The following NXPE2 variants were observed in gnomAD, a reference collection of about 807,000 sequenced individuals.
NXPE2 encodes neurexophilin and PC-esterase domain family member 2, also known as NXPE family member 2.
A neutral mutation model predicts 34.4 loss-of-function variants in NXPE2; 34 were observed. The ratio of observed to expected loss-of-function variants is 0.99; its 90% CI spans 0.75 to 1.31. The LOEUF (loss-of-function observed/expected upper bound fraction) is 1.31. Among genes scored for constraint, NXPE2 ranks in the 40% most tolerant of loss-of-function variants. NXPE2 has a pLI of 0.00. For synonymous variants in NXPE2, 235 were observed against 231.3 expected (o/e 1.02, Z -0.15); for missense variants, 649 against 672.5 (o/e 0.97, Z 0.39).
the NXPE2 span, among the ~76,000 whole-genome samples, chr11:114,754,332 C>T: frequency 2.4e-3 from 367 of 152,186 alleles, no homozygotes; most frequent in African/African-American, 8.5e-3. Flanking sequence ...CCTGCCTCTC[C>T]CAGACCCTCT....
At chr11:114,775,137 G>A in the NXPE2 span, among the ~76,000 whole-genome samples, 2 of 152,174 alleles carry the variant, frequency 1.3e-5, no homozygotes, top group East Asian at 1.9e-4. Context: ...TCCCAAATAG[G>A]GGACGCTGGG....
chr11:114,663,161 C>G, the NXPE2 span, among the ~76,000 whole-genome samples: 5 of 152,226 alleles, frequency 3.3e-5, no homozygotes, highest in Non-Finnish European at 5.9e-5. Flanking sequence ...GGTAGTCTGG[C>G]AGTACTCCCT....
chr11:114,575,297 A>G, the NXPE2 span, among the ~76,000 whole-genome samples: 1 of 152,096 alleles, frequency 6.6e-6, no homozygotes, highest in African/African-American at 2.4e-5. Context: ...AAGAATGCCC[A>G]TTCTCACCAC....
the NXPE2 span, among the ~76,000 whole-genome samples, chr11:114,807,573 C>A: frequency 6.6e-6 from 1 of 151,154 alleles, no homozygotes; most frequent in Non-Finnish European, 1.5e-5. Context: ...TTTAAACCAA[C>A]AAAGATCAAA....
the NXPE2 span, among the ~76,000 whole-genome samples, chr11:114,639,145 G>T: frequency 2.6e-5 from 4 of 152,064 alleles, no homozygotes; most frequent in Non-Finnish European, 5.9e-5. Flanking sequence ...CGGCTGCTTT[G>T]TTTACCTAAG....
the NXPE2 span, among the ~76,000 whole-genome samples, chr11:114,571,890 G>T: frequency 6.6e-6 from 1 of 152,232 alleles, no homozygotes; most frequent in Non-Finnish European, 1.5e-5. Context: ...CTGCCTGTAG[G>T]ACAGCAGCTG....
At chr11:114,566,596 A>T in the NXPE2 span, among the ~76,000 whole-genome samples, 1 of 152,166 alleles carries the variant, frequency 6.6e-6, no homozygotes, top group African/African-American at 2.4e-5. Context: ...AGAGAATAGG[A>T]GGTAGCAAGG....
the NXPE2 span, among the ~76,000 whole-genome samples, chr11:114,562,368 C>T: frequency 6.6e-6 from 1 of 152,190 alleles, no homozygotes; most frequent in Admixed American, 6.5e-5. Flanking sequence ...TCTGTCTTCC[C>T]AGCCCTTGCA....
the NXPE2 span, among the ~76,000 whole-genome samples, chr11:114,753,401 A>T: frequency 1.3e-5 from 2 of 152,244 alleles, no homozygotes; most frequent in African/African-American, 2.4e-5. Flanking sequence ...TTAGAAAAAA[A>T]AATGAAGTGA....
chr11:114,630,425 G>A, the NXPE2 span, among the ~76,000 whole-genome samples: 2 of 151,768 alleles, frequency 1.3e-5, no homozygotes, highest in Admixed American at 6.6e-5. Flanking sequence ...AATGGGGAAA[G>A]TATTCCCTAT....
rs1175304786 is a variant in NXPE2 at position 114,704,027 on chromosome 11, C to A, written c.903C>A (p.Thr301=). 6.4e-7 allele frequency: 1 copy of A among 1,551,726 alleles called. No homozygotes were observed. The highest frequency in any genetic ancestry group is 8.7e-7 in the Non-Finnish European group (1 of 1,146,630). ...GAGTTGAAATGATGAAGAACTTTACCCCCATTGAGGTCATACCATGCAACA... is the reference window on the plus strand; with the variant it reads ...GAGTTGAAATGATGAAGAACTTTACACCCATTGAGGTCATACCATGCAACA... ...NIGVEMMKNF[T]PIEVIPCNKS... Residue 301 remains threonine, a synonymous_variant, in exon 4 of 6, where the codon ACC becomes ACA. Coordinates refer to ENST00000389586, the MANE Select transcript of NXPE2 (RefSeq NM_182495.6).
At chr11:114,616,642 G>T in the NXPE2 span, among the ~76,000 whole-genome samples, 6 of 151,416 alleles carry the variant, frequency 4.0e-5, 1 homozygote, top group African/African-American at 1.5e-4. Context: ...GATAATAAAT[G>T]TTGCCTATTG....
chr11:114,609,104 G>A, the NXPE2 span, among the ~76,000 whole-genome samples: 2 of 151,600 alleles, frequency 1.3e-5, no homozygotes, highest in African/African-American at 4.8e-5. Flanking sequence ...GTTGCCTCAT[G>A]GGTAGCTACT....
intron 2 of NXPE2, among the ~76,000 whole-genome samples, chr11:114,683,070 GT>G: frequency 6.6e-6 from 1 of 152,112 alleles, no homozygotes; most frequent in South Asian, 2.1e-4. Context: ...CGTATAAGTG[GT>G]TTTTTAAATA....
the NXPE2 span, among the ~76,000 whole-genome samples, chr11:114,517,196 A>G: frequency 1.1e-4 from 17 of 152,190 alleles, no homozygotes; most frequent in African/African-American, 4.1e-4. Flanking sequence ...TATCATTAGC[A>G]TAATCAAAAA....
chr11:114,704,047 G>C lies in NXPE2; in HGVS notation c.923G>C (p.Cys308Ser). 6.5e-7 allele frequency: 1 copy of C among 1,549,820 alleles called. No homozygotes were observed. The highest frequency in any genetic ancestry group is 8.7e-7 in the Non-Finnish European group (1 of 1,144,822). Residue 308 changes from cysteine (C) to serine (S), a missense_variant, in exon 4 of 6, where the codon TGC (cysteine) becomes TCC (serine). By Grantham distance (112) the Cys-to-Ser change is moderately radical (BLOSUM62 -1). Coordinates refer to ENST00000389586, the MANE Select transcript of NXPE2 (RefSeq NM_182495.6). ...TTTACCCCCATTGAGGTCATACCAT[G>C]CAACAGTAAGTCTGGAGTGTTGTTG... ...KNFTPIEVIP[C>S]NKSENIKKNC... is the part of the protein sequence containing the mutation.
the NXPE2 span, among the ~76,000 whole-genome samples, chr11:114,600,446 A>T: frequency 7.2e-5 from 11 of 152,184 alleles, no homozygotes; most frequent in Non-Finnish European, 2.9e-5. Flanking sequence ...ATAAGACACA[A>T]ATGCTGTACT....
At chr11:114,730,538 G>T in the NXPE2 span, among the ~76,000 whole-genome samples, 1 of 152,122 alleles carries the variant, frequency 6.6e-6, no homozygotes, top group Non-Finnish European at 1.5e-5. Flanking sequence ...CATGAGCATG[G>T]ACTGTTTTTC....
intron 2 of NXPE2, among the ~76,000 whole-genome samples, chr11:114,682,848 G>GA (rs35146922): frequency 2.4e-4 from 35 of 143,582 alleles, no homozygotes; most frequent in Admixed American, 4.2e-4. Context: ...ACCTGAGGAG[G>GA]AAAAAAAAAA....
Sources: allele counts gnomAD v4.1 joint callset (sites outside exome capture counted in the v4.1 genomes callset), GRCh38; gene constraint gnomAD v4.1.1; transcripts MANE v1.5; gene names NCBI Gene and HGNC (gene_info 2026-07-23, HGNC 2026-07-21).